The following SHROOM4 variants were observed in gnomAD, a reference collection of about 807,000 sequenced individuals.
SHROOM4 encodes the protein protein Shroom4.
SHROOM4 carries 17 observed loss-of-function variants against 80.3 expected under a neutral mutation model. That is an observed-to-expected ratio of 0.21 (90% CI 0.14 to 0.32). The LOEUF (loss-of-function observed/expected upper bound fraction) is 0.32, where lower values mean the gene tolerates loss of function less well. SHROOM4 is among the 10% of genes least tolerant of loss of function. The pLI, the probability that SHROOM4 is intolerant of heterozygous loss-of-function variation, is 1.00. For synonymous variants in SHROOM4, 400 were observed against 437.5 expected (o/e 0.91, Z 1.07); for missense variants, 993 against 1,140.3 (o/e 0.87, Z 1.86).
chrX:50,754,244 G>GC (rs1456872110), intron 1 of SHROOM4, among the ~76,000 whole-genome samples: 2 of 111,567 alleles, frequency 1.8e-5, no homozygotes, highest in Non-Finnish European at 3.8e-5. Context: ...TTAAGCAGTA[G>GC]CCAGGCTTAG....
intron 1 of SHROOM4, among the ~76,000 whole-genome samples, chrX:50,699,566 A>C (rs1223818038): frequency 8.9e-6 from 1 of 112,155 alleles, no homozygotes; most frequent in Non-Finnish European, 1.9e-5. Context: ...TCCATCTCTC[A>C]ATTCCCCTGG....
At chrX:50,794,187 A>G (rs1557271803) in intron 1 of SHROOM4, among the ~76,000 whole-genome samples, 1 of 111,923 alleles carries the variant, frequency 8.9e-6, no homozygotes, top group African/African-American at 3.2e-5. Context: ...GTAACCACTA[A>G]TGATTTATAG....
chrX:50,687,063 T>C (rs1933091129), intron 2 of SHROOM4: 2 of 111,855 alleles, frequency 1.8e-5, no homozygotes, highest in South Asian at 7.5e-4. Context: ...TCTGTGATTT[T>C]TTTATTCATT....
chrX:50,647,953 A>G (rs1931901413), intron 2 of SHROOM4, among the ~76,000 whole-genome samples: 1 of 112,307 alleles, frequency 8.9e-6, no homozygotes, highest in South Asian at 3.7e-4. Context: ...GGAGGTGCAT[A>G]GGCCAGATCA....
intron 1 of SHROOM4, among the ~76,000 whole-genome samples, chrX:50,761,017 T>C (rs1168620520): frequency 8.9e-6 from 1 of 112,109 alleles, no homozygotes; most frequent in Non-Finnish European, 1.9e-5. Context: ...TTAATTTCTT[T>C]ATTAAATTTT....
At chrX:50,586,151 G>A (rs1175940736), downstream of SHROOM4, among the ~76,000 whole-genome samples, 1 of 111,733 alleles carries the variant, frequency 8.9e-6, no homozygotes, top group African/African-American at 3.2e-5. Flanking sequence ...CCAAATAAGA[G>A]TTTTCTCTCA....
At chrX:50,653,257 G>A (rs1932180716) in intron 2 of SHROOM4, among the ~76,000 whole-genome samples, 1 of 111,453 alleles carries the variant, frequency 9.0e-6, no homozygotes, top group South Asian at 3.8e-4. Context: ...GCAGTGGTTT[G>A]TAGTTCTCCT....
intron 1 of SHROOM4, among the ~76,000 whole-genome samples, chrX:50,699,774 G>A (rs1933470318): frequency 8.9e-6 from 1 of 112,374 alleles, no homozygotes; most frequent in South Asian, 3.7e-4. Flanking sequence ...CCCCTTGAGA[G>A]TAAAGGCAAA....
intron 2 of SHROOM4, among the ~76,000 whole-genome samples, chrX:50,688,766 C>T (rs1169123091): frequency 9.1e-6 from 1 of 110,229 alleles, no homozygotes; most frequent in African/African-American, 3.3e-5. Flanking sequence ...GCACCTAGTA[C>T]ACTCTATGAC....
chrX:50,751,704 G>A (rs782613694), intron 1 of SHROOM4, among the ~76,000 whole-genome samples: 3 of 111,895 alleles, frequency 2.7e-5, no homozygotes, highest in East Asian at 5.6e-4. Context: ...CTTCATATTA[G>A]CAGTGTTTAA....
Position 50,766,101 on chromosome X carries a change from A to G in SHROOM4, c.117+47801T>C, listed in dbSNP as rs781879615. ...TCAGAATATTCAGTACATTTTTTTA[A>G]TGAATGAATTTCTGCCATCTGAACC... On this transcript the variant is annotated intron_variant, in intron 1 of 8. Transcript: ENST00000376020. 1.3e-4 allele frequency among the ~76,000 whole-genome samples: 14 copies of G among 111,259 alleles called. No individual in the cohort carries two copies. In the East Asian group the frequency reaches 4.0e-3, roughly 32 times the overall value.
chrX:50,677,986 C>A (rs1462193369), intron 2 of SHROOM4, among the ~76,000 whole-genome samples: 1 of 111,539 alleles, frequency 9.0e-6, no homozygotes, highest in Non-Finnish European at 1.9e-5. Flanking sequence ...ACAAAATGAC[C>A]AACCTATCTT....
intron 4 of SHROOM4, among the ~76,000 whole-genome samples, chrX:50,629,132 A>G (rs782593721): frequency 4.5e-4 from 50 of 111,840 alleles, no homozygotes; most frequent in African/African-American, 1.6e-3. Context: ...GGTCCACAGT[A>G]TCACTCTACT....
chrX:50,649,077 CAG>C (rs1382926324), intron 2 of SHROOM4, among the ~76,000 whole-genome samples: 1 of 111,802 alleles, frequency 8.9e-6, no homozygotes, highest in Non-Finnish European at 1.9e-5. Context: ...AAGAATGTGA[CAG>C]AGAATCAACA....
chrX:50,634,308 C>A lies in SHROOM4; in HGVS notation c.1765G>T (p.Ala589Ser), dbSNP rs1931223272. 1 of 1,211,134 alleles carries A rather than the reference C, an allele frequency of 8.3e-7. No homozygotes were observed. Among genetic ancestry groups the A allele is most frequent in the African/African-American group, 1.7e-5 (1 of 57,591 alleles). Residue 589 changes from alanine (A) to serine (S), a missense_variant, in exon 4 of 9, where the codon GCT (alanine) becomes TCT (serine). By Grantham distance (99) the Ala-to-Ser change is moderately conservative. Coordinates refer to ENST00000376020, the MANE Select transcript of SHROOM4 (RefSeq NM_020717.5). ...TGAATTTCATTACGCAGATTGGTAG[C>A]AAAACGCTCACTCTTCCGCCGGTTT... ...IQNRRKSERF[A>S]TNLRNEIQRR...
At chrX:50,583,615 C>T (rs187766536), downstream of SHROOM4, among the ~76,000 whole-genome samples, 669 of 111,744 alleles carry the variant, frequency 6.0e-3, 4 homozygotes, top group African/African-American at 0.021. Context: ...GGAACTGTGG[C>T]AAGGCTTCTA....
chrX:50,734,368 A>G (rs893192879), intron 1 of SHROOM4, among the ~76,000 whole-genome samples: 3 of 111,480 alleles, frequency 2.7e-5, no homozygotes, highest in African/African-American at 9.8e-5. Flanking sequence ...ACTTCTTGAT[A>G]TGGTTTGGCT....
rs1557254960 is a variant in SHROOM4, at chrX:50,633,911, A to T, written c.2162T>A (p.Val721Asp). Residue 721 changes from valine (V) to aspartate (D), a missense_variant, in exon 4 of 9, where the codon GTC becomes GAC. Coordinates refer to ENST00000376020, the MANE Select transcript of SHROOM4 (RefSeq NM_020717.5). Reference sequence around the variant, plus strand: ...AGACCATCTCCAATGACCTCCACGGACTCCACAGTGAGCATGTGCTTTCTC... The same window carrying T: ...AGACCATCTCCAATGACCTCCACGGTCTCCACAGTGAGCATGTGCTTTCTC... Reference protein sequence around the residue: ...DPEKAHAHCGVRGGHWRWSPE... With the variant: ...DPEKAHAHCGDRGGHWRWSPE... The T allele has an allele frequency of 5.8e-6, 7 of 1,209,739 alleles. No homozygotes were observed.
intron 1 of SHROOM4, among the ~76,000 whole-genome samples, chrX:50,802,662 G>C (rs1936149505): frequency 8.9e-6 from 1 of 112,005 alleles, no homozygotes; most frequent in Admixed American, 9.5e-5. Flanking sequence ...TTATGTGACT[G>C]GTACTGTGCT....
Sources: allele counts gnomAD v4.1 joint callset (sites outside exome capture counted in the v4.1 genomes callset), GRCh38; gene constraint gnomAD v4.1.1; transcripts MANE v1.5; gene names NCBI Gene and HGNC (gene_info 2026-07-23, HGNC 2026-07-21).